Variants in RBBP5 observed in about 807,000 individuals in gnomAD.
RBBP5 encodes retinoblastoma-binding protein 5.
RBBP5 carries 5 observed loss-of-function variants against 72.2 expected under a neutral mutation model. The observed-to-expected ratio is 0.07, with a 90% confidence interval of 0.04 to 0.15. The LOEUF (loss-of-function observed/expected upper bound fraction) is 0.15, where lower values mean the gene tolerates loss of function less well. RBBP5 is among the 10% of genes least tolerant of loss of function. The probability of loss-of-function intolerance (pLI) is 1.00; values close to 1 mark genes in which losing one functional copy is unlikely to be tolerated. For missense variants in RBBP5, 322 were observed against 652.2 expected (o/e 0.49, Z 5.51); for synonymous variants, 209 against 237.2 (o/e 0.88, Z 1.09).
chr1:205,107,027 T>C (rs1037554753), intron 3 of RBBP5, among the ~76,000 whole-genome samples: 5 of 151,794 alleles, frequency 3.3e-5, no homozygotes, highest in African/African-American at 1.2e-4. Context: ...TATATATATG[T>C]GTCTGTGTGT....
chr1:205,100,021 T>G lies in RBBP5; in HGVS notation c.796A>C (p.Ile266Leu). 1 of 1,614,204 alleles carries G rather than the reference T, an allele frequency of 6.2e-7. No individual in the cohort carries two copies. Among genetic ancestry groups the G allele is most frequent in the Non-Finnish European group, 8.5e-7 (1 of 1,180,018 alleles). ...TGCTGCCGGGCAGAACCTGCCACGA[T>G]GTATTCCCCATCCCCAGAGAAACAA... ...KCCFSGDGEYIVAGSARQHAL... is the reference protein window; with the variant it reads ...KCCFSGDGEYLVAGSARQHAL... The change falls in exon 8 of 14, where the codon ATC (isoleucine) becomes CTC (leucine). Residue 266 changes from isoleucine to leucine, a missense_variant. Physicochemically the swap from Ile to Leu is conservative, Grantham distance 5. Transcript: ENST00000264515.
chr1:205,097,000 C>T, intron 11 of RBBP5, 89 bp from the exon 12 acceptor site: 1 of 1,145,844 alleles, frequency 8.7e-7, no homozygotes. Flanking sequence ...CTATATTAAG[C>T]ATAAGCAACA....
At chr1:205,118,991 T>A (rs1034449208) in intron 1 of RBBP5, among the ~76,000 whole-genome samples, 5 of 152,180 alleles carry the variant, frequency 3.3e-5, no homozygotes, top group Non-Finnish European at 5.9e-5. Flanking sequence ...GTTCCTTTCC[T>A]TTTATCTATA....
intron 3 of RBBP5, among the ~76,000 whole-genome samples, chr1:205,106,841 G>A (rs1415979843): frequency 6.6e-6 from 1 of 151,930 alleles, no homozygotes; most frequent in Non-Finnish European, 1.5e-5. Flanking sequence ...GGGGAAAAAA[G>A]CCCAGAAAAT....
intron 3 of RBBP5, among the ~76,000 whole-genome samples, chr1:205,114,203 T>A (rs1656433655): frequency 6.6e-6 from 1 of 152,150 alleles, no homozygotes; most frequent in Non-Finnish European, 1.5e-5. Flanking sequence ...GGAGATAGAC[T>A]TAACCTTGAT....
intron 13 of RBBP5, 33 bp downstream of exon 13, chr1:205,094,840 G>A (rs1655549534): frequency 6.3e-6 from 10 of 1,581,658 alleles, no homozygotes; most frequent in Non-Finnish European, 8.6e-6. Flanking sequence ...AGGCCACGAA[G>A]CAAGCCAGAC....
intron 13 of RBBP5, among the ~76,000 whole-genome samples, chr1:205,093,458 C>A (rs1286783456): frequency 1.6e-4 from 3 of 18,326 alleles, no homozygotes; most frequent in African/African-American, 9.7e-4. Context: ...AACTCCGTTT[C>A]AAAAAAAAAA....
chr1:205,113,286 CTT>C, intron 3 of RBBP5, among the ~76,000 whole-genome samples: 1 of 145,202 alleles, frequency 6.9e-6, no homozygotes. Context: ...GGTAAGAGTT[CTT>C]TTTTTTTTTA....
At chr1:205,120,147 T>C (rs997082556) in intron 1 of RBBP5, among the ~76,000 whole-genome samples, 1 of 152,130 alleles carries the variant, frequency 6.6e-6, no homozygotes, top group Non-Finnish European at 1.5e-5. Context: ...CTCAATGTCT[T>C]TTCTATTTCC....
At chr1:205,091,075 C>T (rs6673927) in intron 13 of RBBP5, 7,049 of 152,424 alleles carry the variant, frequency 0.046, 543 homozygotes, top group African/African-American at 0.16. Flanking sequence ...CCAGAAATGT[C>T]GCTTCTGCTC....
rs776652108 is a variant in RBBP5, at chr1:205,121,972, G to A, written c.-99C>T. On this transcript the variant is annotated 5_prime_UTR_variant, in exon 1 of 14. Coordinates refer to ENST00000264515, the MANE Select transcript of RBBP5 (RefSeq NM_005057.4). ...GTCTAAGTGGTGGACGCCGCGAAGA[G>A]ACTGGCGCAAGCTCCGAAGACTTTC... 1.5e-4 allele frequency: 241 copies of A among 1,564,590 alleles called. No homozygotes were observed. Among genetic ancestry groups the A allele is most frequent in the Non-Finnish European group, 2.1e-4 (238 of 1,153,116 alleles).
chr1:205,120,331 A>T (rs1263483361), intron 1 of RBBP5, among the ~76,000 whole-genome samples: 1 of 152,098 alleles, frequency 6.6e-6, no homozygotes, highest in East Asian at 1.9e-4. Flanking sequence ...AAAAAGCCCA[A>T]ACTTTTGAGC....
In RBBP5 at chr1:205,096,665, G is replaced by C; in HGVS notation, c.1396+17C>G. On this transcript the variant is annotated intron_variant, in intron 12 of 13. Coordinates refer to ENST00000264515, the MANE Select transcript of RBBP5 (RefSeq NM_005057.4). ...AGTGGCGTCTGCCAGGCCAGAGGGAGAAGATGTAGCTCTTACCATCATTTG... is the reference window on the plus strand; with the variant it reads ...AGTGGCGTCTGCCAGGCCAGAGGGACAAGATGTAGCTCTTACCATCATTTG... 1 of 1,607,480 alleles carries C rather than the reference G, an allele frequency of 6.2e-7. No individual in the cohort carries two copies.
intron 4 of RBBP5, among the ~76,000 whole-genome samples, chr1:205,104,397 C>A (rs1655967504): frequency 6.6e-6 from 1 of 151,886 alleles, no homozygotes; most frequent in South Asian, 2.1e-4. Context: ...GGTGCCTGCA[C>A]CTGTAATCCC....
chr1:205,102,038 ACGCATG>A (rs1655850940), intron 5 of RBBP5, among the ~76,000 whole-genome samples: 2 of 151,872 alleles, frequency 1.3e-5, no homozygotes. Flanking sequence ...CTGGGATTAC[ACGCATG>A]CGCCACGACG....
chr1:205,094,960 G>A lies in RBBP5; in HGVS notation c.1501C>T (p.Pro501Ser), dbSNP rs1387300609. Residue 501 changes from proline (P) to serine (S), a missense_variant, in exon 13 of 14, where the codon CCG becomes TCG. Pro to Ser is a moderately conservative substitution (Grantham distance 74). Coordinates refer to ENST00000264515, the MANE Select transcript of RBBP5 (RefSeq NM_005057.4). ...CCTCTGTCCCCTTTGTAGAGTTTCG[G>A]TTTAAATGGAGAATCTTTCTCTTTA... is the stretch of plus-strand genomic sequence containing the variant. Reference protein sequence around the residue: ...KGKEKDSPFKPKLYKGDRGLP... With the variant: ...KGKEKDSPFKSKLYKGDRGLP... 3 of 1,614,116 alleles carry A rather than the reference G, an allele frequency of 1.9e-6. No individual in the cohort carries two copies. Among genetic ancestry groups the A allele is most frequent in the Non-Finnish European group, 2.5e-6 (3 of 1,180,022 alleles).
chr1:205,106,453 C>T (rs188860663), intron 3 of RBBP5, among the ~76,000 whole-genome samples: 19 of 152,144 alleles, frequency 1.2e-4, no homozygotes, highest in Non-Finnish European at 2.4e-4. Flanking sequence ...AAAAATTAGC[C>T]GGGCATGGTG....
At chr1:205,115,271 C>T (rs1656476424) in intron 2 of RBBP5, among the ~76,000 whole-genome samples, 1 of 152,012 alleles carries the variant, frequency 6.6e-6, no homozygotes, top group Admixed American at 6.6e-5. Context: ...TCTATTGATG[C>T]AGTCATTGTA....
chr1:205,110,641 C>T (rs1455368442), intron 3 of RBBP5, among the ~76,000 whole-genome samples: 1 of 152,100 alleles, frequency 6.6e-6, no homozygotes, highest in African/African-American at 2.4e-5. Context: ...TTATTTCCCA[C>T]ATAAAAAGAT....
Sources: gnomAD v4.1 joint callset for allele counts (sites outside exome capture counted in the v4.1 genomes callset) on GRCh38, gnomAD v4.1.1 for gene constraint, MANE v1.5 for transcripts, NCBI Gene and HGNC (gene_info 2026-07-23, HGNC 2026-07-21) for gene names.